Variants in OGG1 observed in about 807,000 individuals in gnomAD.
The protein encoded by OGG1 is N-glycosylase/DNA lyase.
In OGG1, 35 loss-of-function variants were observed where a neutral mutation model predicts 42.3. The observed-to-expected ratio is 0.83, with a 90% CI of 0.63 to 1.10. OGG1 has a LOEUF of 1.10. Ranked by LOEUF, OGG1 falls within the 50% of genes least tolerant of loss-of-function variation. OGG1 has a pLI of 0.00. For synonymous variants in OGG1, 189 were observed against 179.0 expected (o/e 1.06, Z -0.44); for missense variants, 484 against 446.7 (o/e 1.08, Z -0.75).
intron 3 of OGG1, among the ~76,000 whole-genome samples, chr3:9,753,351 CAAA>C (rs56205013): frequency 2.7e-5 from 2 of 73,096 alleles, no homozygotes; most frequent in South Asian, 4.2e-4. Flanking sequence ...GACTCCGTCT[CAAA>C]AAAAAAAAAA....
chr3:9,761,029 G>A, downstream of OGG1: 1 of 457,544 alleles, frequency 2.2e-6, no homozygotes, highest in Non-Finnish European at 3.9e-6. Flanking sequence ...CACCTCCAAT[G>A]TCTGGCTCCC....
At chr3:9,765,266 G>T (rs1269915570) in intron 7 of OGG1, among the ~76,000 whole-genome samples, 3 of 152,028 alleles carry the variant, frequency 2.0e-5, no homozygotes, top group Non-Finnish European at 4.4e-5. Flanking sequence ...GTGGTTGGAA[G>T]CTCAGGGGAG....
downstream of OGG1, chr3:9,767,841 C>G: frequency 6.4e-7 from 1 of 1,554,628 alleles, no homozygotes; most frequent in Non-Finnish European, 8.7e-7. Flanking sequence ...TGGGAATTTA[C>G]TGCAGGCCCC....
intron 2 of OGG1, among the ~76,000 whole-genome samples, chr3:9,774,265 C>T (rs2125607094): frequency 6.6e-6 from 1 of 152,082 alleles, no homozygotes; most frequent in African/African-American, 2.4e-5. Flanking sequence ...AAAAATTAGC[C>T]AGGTGTGGTG....
At chr3:9,784,248 C>G in intron 3 of OGG1, 1 of 1,584,914 alleles carries the variant, frequency 6.3e-7, no homozygotes, top group Non-Finnish European at 8.6e-7. Flanking sequence ...GACTCAAGAG[C>G]CAGCTTGGAG....
downstream of OGG1, chr3:9,760,860 G>A: frequency 6.4e-7 from 1 of 1,563,606 alleles, no homozygotes; most frequent in Non-Finnish European, 8.7e-7. Context: ...TCAGGCAGGA[G>A]CCATGGAAGG....
intron 1 of OGG1, chr3:9,750,705 A>G (rs2077260708): frequency 2.9e-6 from 2 of 689,762 alleles, no homozygotes; most frequent in African/African-American, 1.8e-5. Flanking sequence ...AGAGAGGCCC[A>G]TTCCAGCCTC....
chr3:9,787,351 G>C (rs771689112), intron 3 of OGG1: 3 of 1,602,540 alleles, frequency 1.9e-6, no homozygotes, highest in South Asian at 1.1e-5. Flanking sequence ...CTGTGGAAAA[G>C]ATGGCACCCA....
At chr3:9,771,689 A>G (rs184592456), downstream of OGG1, among the ~76,000 whole-genome samples, 2 of 152,056 alleles carry the variant, frequency 1.3e-5, no homozygotes, top group East Asian at 1.9e-4. Flanking sequence ...ACTCTCCCCT[A>G]TACCCACCAA....
downstream of OGG1, chr3:9,761,061 C>G (rs557839569): frequency 2.5e-6 from 1 of 401,982 alleles, no homozygotes; most frequent in South Asian, 2.9e-5. Flanking sequence ...TCATCACCTC[C>G]ACAGCGAGCC....
chr3:9,776,412 T>C (rs547110923), intron 2 of OGG1, among the ~76,000 whole-genome samples: 6 of 137,692 alleles, frequency 4.4e-5, no homozygotes, highest in South Asian at 2.3e-4. Context: ...TTTTTTGAGA[T>C]GAAGTCTCGC....
downstream of OGG1, chr3:9,790,001 G>A: frequency 1.3e-6 from 2 of 1,543,888 alleles, no homozygotes; most frequent in Non-Finnish European, 1.7e-6. Flanking sequence ...GGGGAGAAGG[G>A]AAAACACAGA....
intron 3 of OGG1, chr3:9,787,215 G>C (rs775339998): frequency 7.4e-6 from 12 of 1,614,054 alleles, no homozygotes; most frequent in Non-Finnish European, 1.0e-5. Flanking sequence ...TGTCCAGTTC[G>C]GTCAGTGGCC....
chr3:9,759,747 T>C (rs1393959902), downstream of OGG1: 7 of 1,614,154 alleles, frequency 4.3e-6, no homozygotes, highest in South Asian at 7.7e-5. Flanking sequence ...GATGAAATCT[T>C]TGGCTAAACC....
intron 7 of OGG1, chr3:9,763,120 C>T: frequency 6.2e-7 from 1 of 1,614,110 alleles, no homozygotes; most frequent in Non-Finnish European, 8.5e-7. Context: ...GGGGGCAGGG[C>T]AGAGGTTGGG....
chr3:9,789,416 GGAA>G, downstream of OGG1: 1 of 1,185,076 alleles, frequency 8.4e-7, no homozygotes, highest in Non-Finnish European at 1.2e-6. Flanking sequence ...GGTTGGGGAA[GGAA>G]GATGATGCAT....
At chr3:9,764,618 T>A (rs539871213) in intron 7 of OGG1, among the ~76,000 whole-genome samples, 1 of 103,182 alleles carries the variant, frequency 9.7e-6, no homozygotes, top group Non-Finnish European at 1.9e-5. Flanking sequence ...GGCGTTTTTG[T>A]TTTTTTTTTG....
chr3:9,789,529 C>T, downstream of OGG1: 1 of 1,614,168 alleles, frequency 6.2e-7, no homozygotes, highest in Non-Finnish European at 8.5e-7. Context: ...TCAGCCTCAT[C>T]TTCTGGGGGC....
In OGG1 at chr3:9,757,317, G is replaced by A. The variant is rs1372481918; in HGVS notation, c.*167G>A. The A allele has an allele frequency of 3.7e-6, 6 of 1,614,154 alleles. No homozygotes were observed. The highest frequency in any genetic ancestry group is 5.1e-6 in the Non-Finnish European group (6 of 1,180,032). ...GTCAGTTTGCACAACAAGATGGGGT[G>A]GGGGATATTGAGGGAGACAGCGCTA... On this transcript the variant is annotated 3_prime_UTR_variant, in exon 7 of 7. Transcript: ENST00000344629. The surrounding 1 kb of genome is among the most constrained non-coding windows in gnomAD (Gnocchi z 4.5).
Sources: gnomAD v4.1 joint callset for allele counts (sites outside exome capture counted in the v4.1 genomes callset) on GRCh38, gnomAD v4.1.1 for gene constraint, Gnocchi (gnomAD v3.1) non-coding constraint, MANE v1.5 for transcripts, NCBI Gene and HGNC (gene_info 2026-07-23, HGNC 2026-07-21) for gene names.